DHPS: variants seen among roughly 807,000 people sequenced by gnomAD.
DHPS encodes the protein deoxyhypusine synthase, also known as migration-inducing gene 13.
Under a neutral mutation model 38.7 loss-of-function variants are expected in DHPS, and 24 were observed. The ratio of observed to expected loss-of-function variants is 0.62; its 90% CI spans 0.45 to 0.87. The LOEUF is 0.87. Ranked by LOEUF, DHPS falls within the 40% of genes least tolerant of loss-of-function variation. The pLI is 0.00. For missense variants in DHPS, 510 were observed against 497.6 expected, an observed-to-expected ratio of 1.02 and a Z score of -0.24; for synonymous variants, 250 against 204.4, an observed-to-expected ratio of 1.22 and a Z score of -1.90.
intron 1 of DHPS, chr19:12,681,269 C>T (rs2145372056): frequency 7.7e-7 from 1 of 1,295,728 alleles, no homozygotes; most frequent in South Asian, 1.6e-5. Flanking sequence ...TTGTCTTGCC[C>T]CAGGCTCCGC....
downstream of DHPS, among the ~76,000 whole-genome samples, chr19:12,674,805 G>A (rs1403622782): frequency 6.6e-6 from 1 of 152,058 alleles, no homozygotes; most frequent in African/African-American, 2.4e-5. Flanking sequence ...AACTGATAGA[G>A]GAACATGTGG....
chr19:12,679,470 T>G lies in DHPS; in HGVS notation c.665A>C (p.Tyr222Ser). 1.2e-6 allele frequency: 2 copies of G among 1,614,146 alleles called. No individual in the cohort carries two copies. Among genetic ancestry groups the G allele is most frequent in the Non-Finnish European group, 1.7e-6 (2 of 1,179,996 alleles). Residue 222 changes from tyrosine to serine, a missense_variant, in exon 5 of 9, where the codon TAC becomes TCC. Tyr to Ser is a moderately radical substitution (Grantham distance 144). Transcript: ENST00000210060. ...KEINNPESVY[Y>S]WAQKNHIPVF... ...TTAGGTCCTCACCTTCTGGGCCCAG[T>G]AATACACGGACTCTGGGTTGTTGAT...
chr19:12,674,039 CA>C, downstream of DHPS, among the ~76,000 whole-genome samples: 1 of 152,124 alleles, frequency 6.6e-6, no homozygotes, highest in East Asian at 1.9e-4. Flanking sequence ...GCATTCCAGG[CA>C]AAGGGAACAG....
rs369520819 is a variant in DHPS, at chr19:12,679,839, G to A, written c.456C>T (p.Ser152=). Residue 152 remains serine (S), a synonymous_variant, in exon 3 of 9, where the codon AGC becomes AGT. Coordinates refer to ENST00000210060, the MANE Select transcript of DHPS (RefSeq NM_001930.4). ...TCTCCCGGAGCTCCTTCCCCCTGAG[G>A]CTAAACTCGCCCAAGTATGTGGGCG... ...CLAPTYLGEF[S]LRGKELRENG... The A allele has an allele frequency of 3.7e-6, 6 of 1,614,044 alleles. No homozygotes were observed. Among genetic ancestry groups the A allele is most frequent in the Non-Finnish European group, 4.2e-6 (5 of 1,180,034 alleles).
chr19:12,678,253 C>T (rs1420987254), intron 5 of DHPS, among the ~76,000 whole-genome samples: 2 of 149,404 alleles, frequency 1.3e-5, no homozygotes, highest in African/African-American at 2.5e-5. Context: ...AGCAAAACTC[C>T]GTCTCAAAAA....
chr19:12,673,410 CTTTTTTTTTTTTTTTTT>C, downstream of DHPS: 1 of 247,280 alleles, frequency 4.0e-6, no homozygotes, highest in South Asian at 2.9e-5. Flanking sequence ...AGGCTAGGAT[CTTTTTTTTTTTTTTTTT>C]TTTTTTTTTG....
At chr19:12,672,879 T>C (rs1457772817), downstream of DHPS, 2 of 1,595,862 alleles carry the variant, frequency 1.3e-6, no homozygotes, top group Admixed American at 1.8e-5. Flanking sequence ...CGCTATGACC[T>C]AAGGATGGGG....
At chr19:12,677,438 TCGTCTCCATG>T in intron 5 of DHPS, 42 bp from the exon 6 acceptor site, 1 of 1,543,328 alleles carries the variant, frequency 6.5e-7, no homozygotes, top group Non-Finnish European at 8.9e-7. Context: ...GCTCAGAGCC[TCGTCTCCATG>T]CTGGCTATAT....
intron 1 of DHPS, 41 bp from the exon 2 acceptor site, chr19:12,680,366 A>T: frequency 6.2e-7 from 1 of 1,610,750 alleles, no homozygotes; most frequent in Non-Finnish European, 8.5e-7. Context: ...CTGGCCTTAA[A>T]TCCCAGACTC....
chr19:12,679,370 C>G (rs2024721624), intron 5 of DHPS, 87 bp downstream of exon 5: 9 of 1,236,730 alleles, frequency 7.3e-6, no homozygotes, highest in African/African-American at 1.5e-5. Flanking sequence ...CTGAGAATAA[C>G]AGTACTGAAT....
chr19:12,677,321 T>C lies in DHPS; in HGVS notation c.754A>G (p.Asn252Asp). Residue 252 changes from asparagine to aspartate, a missense_variant, in exon 6 of 9, where the codon AAC becomes GAC. Coordinates refer to ENST00000210060, the MANE Select transcript of DHPS (RefSeq NM_001930.4). ...GDMIFFHSYK[N>D]PGLVLDIVED... The stretch of plus-strand genomic sequence containing the variant: ...ACGATGTCCAGGACCAGGCCCGGGT[T>C]CTTGTAGGAATGGAAGAAGATCATG... The C allele has an allele frequency of 6.2e-7, 1 of 1,614,184 alleles. No individual in the cohort carries two copies. The highest frequency in any genetic ancestry group is 2.2e-5 in the East Asian group (1 of 44,872).
At position 12,675,942 on chromosome 19, in the gene DHPS, G is replaced by T; in HGVS notation, c.1015-9C>A. 6.2e-7 allele frequency: 1 copy of T among 1,603,122 alleles called. No individual in the cohort carries two copies. The highest frequency in any genetic ancestry group is 2.2e-5 in the East Asian group (1 of 44,716). On this transcript the variant is annotated splice_polypyrimidine_tract_variant and intron_variant, in intron 8 of 8. Transcript: ENST00000210060. ...GAGGCGTCAGCATAGACCTGGGTAGGGGGGAACCTGGGTAAGCCATGGGAC... is the reference window on the plus strand; with the variant it reads ...GAGGCGTCAGCATAGACCTGGGTAGTGGGGAACCTGGGTAAGCCATGGGAC...
chr19:12,672,808 T>C (rs1341330231), downstream of DHPS: 2 of 1,552,132 alleles, frequency 1.3e-6, no homozygotes, highest in South Asian at 1.2e-5. Flanking sequence ...GCCATGTGAG[T>C]GTAGTCAAGG....
Position 12,680,214 on chromosome 19 carries a change from G to A in DHPS, c.319C>T (p.Leu107Phe), listed in dbSNP as rs746902790. The change falls in exon 2 of 9, where the codon CTC becomes TTC. Residue 107 changes from leucine to phenylalanine, a missense_variant. Transcript: ENST00000210060. ...GTCTCACGGATGCCTGAACTGATGA[G>A]GTTGGATGTATATCCCAGGAAAATG... ...CTIFLGYTSNLISSGIRETIR... is the reference protein window; with the variant it reads ...CTIFLGYTSNFISSGIRETIR... 3.7e-6 allele frequency: 6 copies of A among 1,614,196 alleles called. No individual in the cohort carries two copies. The highest frequency in any genetic ancestry group is 4.2e-6 in the Non-Finnish European group (5 of 1,180,040).
At chr19:12,676,816 TG>T in intron 7 of DHPS, 1 of 456,144 alleles carries the variant, frequency 2.2e-6, no homozygotes, top group South Asian at 2.1e-5. Flanking sequence ...ACATAGCTCC[TG>T]GGAGATGCCT....
chr19:12,677,992 C>A (rs1380303072), intron 5 of DHPS, among the ~76,000 whole-genome samples: 1 of 149,484 alleles, frequency 6.7e-6, no homozygotes, highest in Non-Finnish European at 1.5e-5. Flanking sequence ...GTGGCTCACG[C>A]TTGTAATCCC....
intron 5 of DHPS, among the ~76,000 whole-genome samples, chr19:12,677,930 C>T (rs150028437): frequency 0.016 from 2,419 of 150,780 alleles, 67 homozygotes; most frequent in African/African-American, 0.056. Flanking sequence ...CATGAGCCAC[C>T]GTGCCCGGCC....
At chr19:12,675,607 G>A (rs200979959), downstream of DHPS, 163 of 1,604,328 alleles carry the variant, frequency 1.0e-4, no homozygotes, top group Middle Eastern at 6.6e-4. Context: ...CCTGCTGACC[G>A]CCATGGGAGG....
At chr19:12,676,277 G>T in intron 7 of DHPS, 135 bp from the exon 8 acceptor site, 2 of 1,140,922 alleles carry the variant, frequency 1.8e-6, no homozygotes, top group East Asian at 2.6e-5. Context: ...TTCGCTCCCA[G>T]ACAGGGCCCA....
Sources: allele counts gnomAD v4.1 joint callset (sites outside exome capture counted in the v4.1 genomes callset), GRCh38; gene constraint gnomAD v4.1.1; transcripts MANE v1.5; gene names NCBI Gene and HGNC (gene_info 2026-07-23, HGNC 2026-07-21).